Variants in NOVA1 observed in about 807,000 individuals in gnomAD.
NOVA1 encodes the protein NOVA alternative splicing regulator 1.
Under a neutral mutation model 38.0 loss-of-function variants are expected in NOVA1, and 7 were observed. The ratio of observed to expected loss-of-function variants is 0.18; its 90% CI spans 0.10 to 0.35. NOVA1 has a LOEUF of 0.35. Ranked by LOEUF, NOVA1 falls within the 10% of genes least tolerant of loss-of-function variation. The pLI, the probability that NOVA1 is intolerant of heterozygous loss-of-function variation, is 1.00. For missense variants in NOVA1, 460 were observed against 616.0 expected (o/e 0.75, Z 2.68); for synonymous variants, 270 against 232.5 (o/e 1.16, Z -1.47).
At chr14:26,452,224 T>C (rs1882746617) in intron 4 of NOVA1, among the ~76,000 whole-genome samples, 1 of 152,284 alleles carries the variant, frequency 6.6e-6, no homozygotes, top group Non-Finnish European at 1.5e-5. Context: ...AATATATCCA[T>C]ACCTATTTGC....
Position 26,574,061 on chromosome 14 carries a change from T to C in NOVA1, c.280+21349A>G, listed in dbSNP as rs539505117. On this transcript the variant is annotated intron_variant, in intron 2 of 4. Transcript: ENST00000539517. Reference sequence around the variant, plus strand: ...TTTTTTTTGAGACAGAGTCTCCCTCTGTCACCCAGGCTGGAGTGCAGTGGC... The same window carrying C: ...TTTTTTTTGAGACAGAGTCTCCCTCCGTCACCCAGGCTGGAGTGCAGTGGC... Among the ~76,000 whole-genome samples, 509 of 145,750 alleles carry C rather than the reference T, an allele frequency of 3.5e-3. 6 individuals are homozygous for C. The highest frequency in any genetic ancestry group is 0.012 in the African/African-American group (467 of 38,590).
At chr14:26,497,971 A>G (rs927477979) in intron 2 of NOVA1, among the ~76,000 whole-genome samples, 2 of 152,212 alleles carry the variant, frequency 1.3e-5, no homozygotes, top group African/African-American at 4.8e-5. Flanking sequence ...ACTACCTTAT[A>G]CTAGAACTGT....
At position 26,452,036 on chromosome 14, in the gene NOVA1, G is replaced by A. The variant is rs182257825; in HGVS notation, c.520-3073C>T. 2.3e-3 allele frequency among the ~76,000 whole-genome samples: 345 copies of A among 152,190 alleles called. 2 individuals carry two copies. The highest frequency in any genetic ancestry group is 6.8e-3 in the Middle Eastern group (2 of 294). On this transcript the variant is annotated intron_variant, in intron 4 of 4. Transcript: ENST00000539517. ...AACTTTAGACAATAGGCTATTCTGT[G>A]TAAGACTACCAAATTTAGAAAATTA...
At chr14:26,457,957 CAAAAT>C (rs1883319457) in intron 4 of NOVA1, among the ~76,000 whole-genome samples, 1 of 151,606 alleles carries the variant, frequency 6.6e-6, no homozygotes, top group Non-Finnish European at 1.5e-5. Flanking sequence ...AAAACTAAAA[CAAAAT>C]GAAAAGAAAC....
chr14:26,472,178 C>A, intron 4 of NOVA1, 142 bp downstream of exon 4: 2 of 580,386 alleles, frequency 3.4e-6, no homozygotes, highest in South Asian at 2.5e-5. Flanking sequence ...ATTGATATTT[C>A]TTTCTTAGGT....
intron 2 of NOVA1, among the ~76,000 whole-genome samples, chr14:26,581,582 G>A (rs1015272186): frequency 2.6e-5 from 4 of 151,854 alleles, no homozygotes; most frequent in Non-Finnish European, 5.9e-5. Flanking sequence ...AGTCTGGTCA[G>A]CTGAAAAAAT....
At chr14:26,555,442 C>A (rs1891422438) in intron 2 of NOVA1, among the ~76,000 whole-genome samples, 1 of 152,074 alleles carries the variant, frequency 6.6e-6, no homozygotes, top group South Asian at 2.1e-4. Context: ...TTAACAATCA[C>A]TCATCATCCT....
rs1594309063 is a variant in NOVA1, at chr14:26,448,444, C to A, written c.1039G>T (p.Ala347Ser). The change falls in exon 5 of 5, where the codon GCA becomes TCA. Residue 347 changes from alanine (A) to serine (S), a missense_variant. Physicochemically the swap from Ala to Ser is moderately conservative, Grantham distance 99 (BLOSUM62 1). Transcript: ENST00000539517. This position sits in a 1 kb window ranked among gnomAD's most constrained non-coding sequence, Gnocchi z 5.3. ...SQAAATGALA[A>S]AAASANPAAA... The stretch of plus-strand genomic sequence containing the variant: ...GCTGGGTTGGCACTGGCAGCTGCTG[C>A]AGCCAAAGCCCCTGTTGCTGCTGCT... 6.2e-7 allele frequency: 1 copy of A among 1,612,254 alleles called. No individual in the cohort carries two copies. The highest frequency in any genetic ancestry group is 8.5e-7 in the Non-Finnish European group (1 of 1,179,622).
chr14:26,529,461 T>C (rs1385952387), intron 2 of NOVA1, among the ~76,000 whole-genome samples: 2 of 152,102 alleles, frequency 1.3e-5, no homozygotes, highest in South Asian at 2.1e-4. Flanking sequence ...CTTTGAGGAA[T>C]TGTTACCTGA....
intron 2 of NOVA1, among the ~76,000 whole-genome samples, chr14:26,496,430 C>T (rs1233153391): frequency 1.3e-5 from 2 of 151,982 alleles, no homozygotes; most frequent in Non-Finnish European, 2.9e-5. Context: ...AAATTTTCTC[C>T]CATTCTGTAG....
rs181353798 is a variant in NOVA1, at chr14:26,577,149, C to A, written c.280+18261G>T. On this transcript the variant is annotated intron_variant, in intron 2 of 4. Coordinates refer to ENST00000539517, the MANE Select transcript of NOVA1 (RefSeq NM_002515.3). ...CTTATTTCATTTGGCATAATATACT[C>A]CAGATGCATTCATACTATTGCAAAC... 5.3e-5 allele frequency among the ~76,000 whole-genome samples: 8 copies of A among 152,148 alleles called. No individual in the cohort carries two copies. The East Asian group carries it at 1.5e-3, about 29-fold the overall frequency.
At chr14:26,514,465 T>C (rs774447467) in intron 2 of NOVA1, among the ~76,000 whole-genome samples, 1 of 151,812 alleles carries the variant, frequency 6.6e-6, no homozygotes, top group African/African-American at 2.4e-5. Flanking sequence ...TTCCTCAACA[T>C]AGAGGCATTA....
At chr14:26,490,044 A>G (rs143383556) in intron 2 of NOVA1, among the ~76,000 whole-genome samples, 3 of 152,132 alleles carry the variant, frequency 2.0e-5, no homozygotes, top group African/African-American at 4.8e-5. Context: ...TCCCCCAGTT[A>G]CCTCTAATCT....
At chr14:26,491,421 G>A (rs1886339493) in intron 2 of NOVA1, among the ~76,000 whole-genome samples, 2 of 152,032 alleles carry the variant, frequency 1.3e-5, no homozygotes, top group Admixed American at 6.6e-5. Flanking sequence ...TTTGGTAATG[G>A]ACGTTAATAA....
intron 2 of NOVA1, among the ~76,000 whole-genome samples, chr14:26,575,730 AG>A (rs1892799339): frequency 2.6e-5 from 4 of 152,064 alleles, no homozygotes; most frequent in Admixed American, 2.6e-4. Flanking sequence ...AGTAAGACAT[AG>A]TGATAAAATG....
At chr14:26,469,919 T>C (rs767325169) in intron 4 of NOVA1, among the ~76,000 whole-genome samples, 1 of 152,148 alleles carries the variant, frequency 6.6e-6, no homozygotes, top group South Asian at 2.1e-4. Context: ...GCTTCTCATA[T>C]AGTCTTTCAG....
At position 26,597,445 on chromosome 14, in the gene NOVA1, T is replaced by C. The variant is rs1894268205; in HGVS notation, c.-9A>G. 13 of 1,290,792 alleles carry C rather than the reference T, an allele frequency of 1.0e-5. No homozygotes were observed. The South Asian group carries it at 3.7e-4, about 36-fold the overall frequency. The allele number at this position is 1,290,792 out of a possible 1,614,324, so 80.0% of individuals were successfully genotyped here. A position where few individuals can be genotyped will look rare whatever the true frequency, so the allele number is the denominator to read the frequency against. On this transcript the variant is annotated 5_prime_UTR_variant, in exon 1 of 5. Transcript: ENST00000539517. The stretch of plus-strand genomic sequence containing the variant: ...GGAGCTGCCGCCATCATGTTTGCAG[T>C]TCCTGCCGCTGCTACCGGGAGAAGG...
chr14:26,493,039 T>C (rs1050808777), intron 2 of NOVA1, among the ~76,000 whole-genome samples: 4 of 152,172 alleles, frequency 2.6e-5, no homozygotes, highest in African/African-American at 4.8e-5. Context: ...AGCTCAGAAA[T>C]TCTGCTCAGA....
At chr14:26,587,304 T>G (rs865802164) in intron 2 of NOVA1, among the ~76,000 whole-genome samples, 63 of 76,402 alleles carry the variant, frequency 8.2e-4, no homozygotes, top group African/African-American at 2.0e-3. Context: ...GGATCTAAAA[T>G]ATATAAAAAA....
Sources: gnomAD v4.1 joint callset for allele counts (sites outside exome capture counted in the v4.1 genomes callset) on GRCh38, gnomAD v4.1.1 for gene constraint, Gnocchi (gnomAD v3.1) non-coding constraint, MANE v1.5 for transcripts, NCBI Gene and HGNC (gene_info 2026-07-23, HGNC 2026-07-21) for gene names.